MELK: variants seen among roughly 807,000 people sequenced by gnomAD.
MELK encodes the protein maternal embryonic leucine zipper kinase.
MELK carries 81 observed loss-of-function variants against 85.0 expected under a neutral mutation model. The observed-to-expected ratio is 0.95, with a 90% confidence interval of 0.80 to 1.15. The LOEUF is 1.15. MELK is among the 50% of genes most tolerant of loss of function. MELK has a pLI of 0.00. For missense variants in MELK, 754 were observed against 777.5 expected, an observed-to-expected ratio of 0.97 and a Z score of 0.36; for synonymous variants, 252 against 265.0, an observed-to-expected ratio of 0.95 and a Z score of 0.48.
chr9:36,621,275 GAAAAAAAAAAAAAAAAAAAAA>G lies in MELK; in HGVS notation c.667-9002_667-8982del, dbSNP rs74181196. On this transcript the variant is annotated intron_variant, in intron 8 of 17. Transcript: ENST00000298048. ...TGACAGAGTGAGACTCTGTCTCAGG[GAAAAAAAAAAAAAAAAAAAAA>G]AAAAAAAAAAAAAAAAAAAAACTTG... is the stretch of plus-strand genomic sequence containing the variant. Among the ~76,000 whole-genome samples the G allele has an allele frequency of 9.1e-3, 294 of 32,444 alleles. 8 individuals are homozygous for G. Among genetic ancestry groups the G allele is most frequent in the Admixed American group, 0.082 (160 of 1,944 alleles). 21.3% of individuals were successfully genotyped at this position (32,444 alleles called of 152,430 possible). A position where few individuals can be genotyped will look rare whatever the true frequency, so the allele number is the denominator to read the frequency against.
intron 7 of MELK, among the ~76,000 whole-genome samples, chr9:36,606,363 A>G (rs1352380961): frequency 5.3e-4 from 74 of 139,752 alleles, no homozygotes; most frequent in African/African-American, 2.1e-3. Flanking sequence ...TATATAATAT[A>G]TACATATGTA....
At chr9:36,609,447 CTT>C (rs58390406) in intron 8 of MELK, among the ~76,000 whole-genome samples, 34 of 132,672 alleles carry the variant, frequency 2.6e-4, no homozygotes, top group African/African-American at 2.8e-4. Context: ...CTTTCTTCTT[CTT>C]TTTTTTTTTT....
At chr9:36,672,331 A>T (rs888895436) in intron 16 of MELK, among the ~76,000 whole-genome samples, 1 of 152,128 alleles carries the variant, frequency 6.6e-6, no homozygotes, top group Non-Finnish European at 1.5e-5. Flanking sequence ...ACTGAGATTT[A>T]AAAAAACCAT....
At position 36,665,597 on chromosome 9, in the gene MELK, A is replaced by G; in HGVS notation, c.1408+16A>G. Reference sequence around the variant, plus strand: ...CCCTCAAAAGGTATTTGCTAAGTGAATTAAGCAGTAAGAAGTTTCATTTTT... The same window carrying G: ...CCCTCAAAAGGTATTTGCTAAGTGAGTTAAGCAGTAAGAAGTTTCATTTTT... On this transcript the variant is annotated intron_variant, in intron 14 of 17. Coordinates refer to ENST00000298048, the MANE Select transcript of MELK (RefSeq NM_014791.4). The G allele has an allele frequency of 1.3e-6, 2 of 1,570,348 alleles. No individual in the cohort carries two copies. The highest frequency in any genetic ancestry group is 1.7e-6 in the Non-Finnish European group (2 of 1,148,338).
intron 8 of MELK, among the ~76,000 whole-genome samples, chr9:36,609,097 A>G (rs1192812045): frequency 2.0e-5 from 3 of 152,172 alleles, no homozygotes; most frequent in Non-Finnish European, 4.4e-5. Context: ...TATCAGAGAC[A>G]GAGAGTAGAT....
At position 36,677,367 on chromosome 9, in the gene MELK, G is replaced by T; in HGVS notation, c.*30G>T. Reference sequence around the variant, plus strand: ...TGGATTCTTCCATCCTGCCGGATGAGTGTGGGTGTGATACAGCCTACATAA... The same window carrying T: ...TGGATTCTTCCATCCTGCCGGATGATTGTGGGTGTGATACAGCCTACATAA... On this transcript the variant is annotated 3_prime_UTR_variant, in exon 18 of 18. Transcript: ENST00000298048. 1.9e-6 allele frequency: 3 copies of T among 1,585,434 alleles called. No individual in the cohort carries two copies. The highest frequency in any genetic ancestry group is 2.6e-6 in the Non-Finnish European group (3 of 1,162,756).
chr9:36,676,689 TG>T (rs1192299787), intron 17 of MELK, among the ~76,000 whole-genome samples: 1 of 152,234 alleles, frequency 6.6e-6, no homozygotes, highest in African/African-American at 2.4e-5. Context: ...AAAACACACG[TG>T]CCTTTCTGAC....
intron 14 of MELK, among the ~76,000 whole-genome samples, chr9:36,666,555 T>TC (rs1381594504): frequency 1.3e-5 from 2 of 152,120 alleles, no homozygotes; most frequent in Non-Finnish European, 2.9e-5. Flanking sequence ...TTAGCCTTTT[T>TC]CCCCCCACCA....
intron 11 of MELK, among the ~76,000 whole-genome samples, 172 bp from the exon 12 acceptor site, chr9:36,651,574 G>A (rs1830702407): frequency 6.6e-6 from 1 of 152,188 alleles, no homozygotes; most frequent in Non-Finnish European, 1.5e-5. Context: ...AGTGGAAATT[G>A]TATGTGTGTG....
At chr9:36,626,964 GAAA>G (rs1045934255) in intron 8 of MELK, among the ~76,000 whole-genome samples, 2 of 60,842 alleles carry the variant, frequency 3.3e-5, no homozygotes, top group African/African-American at 5.3e-5. Context: ...ATCTCAAGAA[GAAA>G]AAAAAAAAAA....
intron 8 of MELK, among the ~76,000 whole-genome samples, chr9:36,609,511 G>A (rs1014877717): frequency 7.4e-5 from 11 of 149,628 alleles, no homozygotes; most frequent in African/African-American, 2.2e-4. Flanking sequence ...GCAGGAGTGC[G>A]ATCATGGCTC....
chr9:36,594,466 G>C (rs777482676), intron 4 of MELK, among the ~76,000 whole-genome samples, 162 bp from the exon 5 acceptor site: 14 of 151,994 alleles, frequency 9.2e-5, no homozygotes, highest in Non-Finnish European at 1.6e-4. Flanking sequence ...TTATTGACTT[G>C]TTTGATCCTG....
chr9:36,677,095 C>A, intron 17 of MELK, 65 bp from the exon 18 acceptor site: 1 of 1,415,586 alleles, frequency 7.1e-7, no homozygotes, highest in Non-Finnish European at 9.7e-7. Flanking sequence ...CTCCTAGAGG[C>A]TTAGAAAACT....
intron 13 of MELK, among the ~76,000 whole-genome samples, chr9:36,659,303 A>T (rs1191598299): frequency 6.6e-6 from 1 of 152,186 alleles, no homozygotes; most frequent in African/African-American, 2.4e-5. Context: ...GGCATGAGCC[A>T]CCGTGCCCGG....
At chr9:36,651,948 G>C (rs1161406580) in intron 12 of MELK, 71 bp downstream of exon 12, 6 of 1,341,812 alleles carry the variant, frequency 4.5e-6, no homozygotes, top group Non-Finnish European at 5.9e-6. Context: ...CACTGGGAAG[G>C]TAAACTTTCC....
chr9:36,580,326 C>T (rs919202842), intron 1 of MELK, among the ~76,000 whole-genome samples: 1 of 151,130 alleles, frequency 6.6e-6, no homozygotes, highest in Non-Finnish European at 1.5e-5. Context: ...CCGCACCCGG[C>T]CTTTTTTTTT....
rs755019182 is a variant in MELK at position 36,583,717 on chromosome 9, GT to G, written c.144+8del. 6.3e-7 allele frequency: 1 copy of G among 1,588,782 alleles called. No homozygotes were observed. Among genetic ancestry groups the G allele is most frequent in the Non-Finnish European group, 8.6e-7 (1 of 1,158,874 alleles). On this transcript the variant is annotated splice_donor_region_variant and intron_variant, in intron 3 of 17. Transcript: ENST00000298048. Reference sequence around the variant, plus strand: ...ATGGATAAAAACACACTAGGGGTAAGTTTAGATTTATTTAAAAAATAGTCCA... The same window carrying G: ...ATGGATAAAAACACACTAGGGGTAAGTTAGATTTATTTAAAAAATAGTCCA...
intron 10 of MELK, among the ~76,000 whole-genome samples, chr9:36,636,529 A>G (rs1829156978): frequency 6.6e-6 from 1 of 151,976 alleles, no homozygotes; most frequent in South Asian, 2.1e-4. Flanking sequence ...AAAAAAAAAC[A>G]GTAATAATTT....
chr9:36,610,598 C>T (rs1301570902), intron 8 of MELK, among the ~76,000 whole-genome samples: 1 of 152,232 alleles, frequency 6.6e-6, no homozygotes, highest in East Asian at 1.9e-4. Context: ...GCTTGTTTTC[C>T]TCCTGTCACT....
Sources: allele counts gnomAD v4.1 joint callset (sites outside exome capture counted in the v4.1 genomes callset), GRCh38; gene constraint gnomAD v4.1.1; transcripts MANE v1.5; gene names NCBI Gene and HGNC (gene_info 2026-07-23, HGNC 2026-07-21).